Variants in GPN1 observed in about 807,000 individuals in gnomAD.
GPN1 encodes GPN-loop GTPase 1.
GPN1 carries 44 observed loss-of-function variants against 55.9 expected under a neutral mutation model. The observed-to-expected ratio is 0.79, with a 90% CI of 0.62 to 1.01. The LOEUF is 1.01. Among genes scored for constraint, GPN1 ranks in the 50% least tolerant of loss-of-function variants. GPN1 has a pLI of 0.00. For missense variants in GPN1, 466 were observed against 462.8 expected (o/e 1.01, Z -0.06); for synonymous variants, 179 against 162.5 (o/e 1.10, Z -0.77).
upstream of GPN1, chr2:27,628,697 G>A: frequency 1.3e-6 from 2 of 1,551,686 alleles, no homozygotes; most frequent in Non-Finnish European, 1.7e-6. Context: ...CCCGTTCTCT[G>A]TGGGCTCAAA....
At chr2:27,635,303 T>A in intron 7 of GPN1, 69 bp downstream of exon 7, 1 of 659,316 alleles carries the variant, frequency 1.5e-6, no homozygotes, top group Non-Finnish European at 2.6e-6. Flanking sequence ...TCTTCCTCTT[T>A]TTTTTTTTTT....
At chr2:27,640,458 C>T (rs151235359) in intron 10 of GPN1, among the ~76,000 whole-genome samples, 14 of 152,260 alleles carry the variant, frequency 9.2e-5, no homozygotes, top group African/African-American at 1.4e-4. Flanking sequence ...AGGACAAAAG[C>T]GTCCTCAGAC....
At position 27,631,826 on chromosome 2, in the gene GPN1, G is replaced by T. The variant is rs776763468; in HGVS notation, c.246-8G>T. ...ATAAGCGATTTCAGTCCTCAACTTG[G>T]TGTCTAGATATGGACTTGGACCCAA... On this transcript the variant is annotated splice_polypyrimidine_tract_variant and splice_region_variant and intron_variant, in intron 3 of 13. Transcript: ENST00000610189. 1.3e-6 allele frequency: 2 copies of T among 1,550,566 alleles called. No homozygotes were observed. The highest frequency in any genetic ancestry group is 2.2e-5 in the East Asian group (1 of 44,606).
Position 27,631,879 on chromosome 2 carries a change from C to G in GPN1, c.291C>G (p.Leu97=), listed in dbSNP as rs767168243. The change falls in exon 4 of 14, where the codon CTC becomes CTG. Residue 97 remains leucine, a synonymous_variant. Transcript: ENST00000610189. ...GCGGCATAGTGACCTCACTCAATCT[C>G]TTTGCTACCAGATTTGATCAGGTAT... is the stretch of plus-strand genomic sequence containing the variant. ...PNGGIVTSLN[L]FATRFDQVMK... is the part of the protein sequence containing the mutation. The G allele has an allele frequency of 3.1e-6, 5 of 1,595,924 alleles. No homozygotes were observed. The African/African-American group carries it at 5.4e-5, about 17-fold the overall frequency.
Position 27,634,836 on chromosome 2 carries a change from C to T in GPN1, c.351-10C>T, listed in dbSNP as rs1247796332. ...ATGTAACACTTCTTTAATGATCTTT[C>T]TTGACATAGATATGTGTTGATTGAC... On this transcript the variant is annotated splice_polypyrimidine_tract_variant and intron_variant, in intron 5 of 13. Coordinates refer to ENST00000610189, the MANE Select transcript of GPN1 (RefSeq NM_007266.4). 1.6e-5 allele frequency: 24 copies of T among 1,459,484 alleles called. No individual in the cohort carries two copies. The highest frequency in any genetic ancestry group is 6.7e-5 in the Admixed American group (4 of 59,810). The allele number at this position is 1,459,484 out of a possible 1,614,324, so 90.4% of individuals were successfully genotyped here.
In GPN1 at chr2:27,648,209, A is replaced by T. The variant is rs530976035; in HGVS notation, c.1039+266A>T. Among the ~76,000 whole-genome samples the T allele has an allele frequency of 4.6e-5, 7 of 152,108 alleles. No individual in the cohort carries two copies. In the South Asian group the frequency reaches 6.2e-4, roughly 14 times the overall value. On this transcript the variant is annotated intron_variant, in intron 13 of 13. Transcript: ENST00000610189. ...GGATCCAGGACTTTTGTTTGTTGTTATTAGTATTTTGTTTTAAGAATATGT... is the reference window on the plus strand; with the variant it reads ...GGATCCAGGACTTTTGTTTGTTGTTTTTAGTATTTTGTTTTAAGAATATGT...
rs1166071474 is a variant in GPN1, at chr2:27,643,136, G to GT, written c.931+625dup. Among the ~76,000 whole-genome samples the GT allele has an allele frequency of 6.1e-5, 9 of 148,690 alleles. No homozygotes were observed. In the South Asian group the frequency reaches 6.3e-4, roughly 10 times the overall value. On this transcript the variant is annotated intron_variant, in intron 12 of 13. Transcript: ENST00000610189. The surrounding 1 kb of genome is among the most constrained non-coding windows in gnomAD (Gnocchi z 4.0). Reference sequence around the variant, plus strand: ...AATATACTTGATGTGTGCTGTGGTGGTTTTTTTTGTTTGTTTCTAACACTT... The same window carrying GT: ...AATATACTTGATGTGTGCTGTGGTGGTTTTTTTTTGTTTGTTTCTAACACTT...
intron 12 of GPN1, among the ~76,000 whole-genome samples, chr2:27,644,061 T>A (rs1036133948): frequency 6.6e-6 from 1 of 152,148 alleles, no homozygotes; most frequent in Non-Finnish European, 1.5e-5. Context: ...ATGTCTGTAA[T>A]TCCAGCTACT....
intron 10 of GPN1, among the ~76,000 whole-genome samples, chr2:27,640,887 T>C (rs956890199): frequency 1.3e-5 from 2 of 152,234 alleles, no homozygotes; most frequent in African/African-American, 4.8e-5. Flanking sequence ...GTTGTTCAAG[T>C]AAAGCACATA....
In GPN1 at chr2:27,643,723, G is replaced by A. The variant is rs765060142; in HGVS notation, c.931+1204G>A. 6.6e-6 allele frequency among the ~76,000 whole-genome samples: 1 copy of A among 152,090 alleles called. No individual in the cohort carries two copies. Among genetic ancestry groups the A allele is most frequent in the Non-Finnish European group, 1.5e-5 (1 of 68,026 alleles). On this transcript the variant is annotated intron_variant, in intron 12 of 13. Coordinates refer to ENST00000610189, the MANE Select transcript of GPN1 (RefSeq NM_007266.4). This position sits in a 1 kb window ranked among gnomAD's most constrained non-coding sequence, Gnocchi z 4.0. ...ATAGAGCATCCTTCAGTTTAGGTTT[G>A]TCTCATGTTTCCTCATGATTTGATT...
chr2:27,628,547 G>C (rs1302172414), upstream of GPN1: 10 of 1,551,342 alleles, frequency 6.4e-6, no homozygotes, highest in African/African-American at 4.1e-5. Flanking sequence ...TTATTCGTTC[G>C]GTGCTCAAAG....
In GPN1 at chr2:27,651,241, A is replaced by G. The variant is rs1674530916; in HGVS notation, c.*1041A>G. The stretch of plus-strand genomic sequence containing the variant: ...CTTAGTGGTTCTCACATTGTGGACC[A>G]GGAGCATCAGCATCATCTGGGGAAT... On this transcript the variant is annotated 3_prime_UTR_variant, in exon 14 of 14. Transcript: ENST00000610189. 1 of 152,306 alleles carries G rather than the reference A, an allele frequency of 6.6e-6. No individual in the cohort carries two copies. The highest frequency in any genetic ancestry group is 2.4e-5 in the African/African-American group (1 of 41,470). The allele number at this position is 152,306 out of a possible 1,614,324, so 9.4% of individuals were successfully genotyped here. A position where few individuals can be genotyped will look rare whatever the true frequency, so the allele number is the denominator to read the frequency against.
rs573961645 is a variant in GPN1 at position 27,642,968 on chromosome 2, C to T, written c.931+449C>T. Among the ~76,000 whole-genome samples, 886 of 150,492 alleles carry T rather than the reference C, an allele frequency of 5.9e-3. 4 individuals carry two copies. The highest frequency in any genetic ancestry group is 7.0e-3 in the Admixed American group (105 of 15,066). ...TTATATATATATATATACACACACA[C>T]ACACACACACACACACACACACACA... On this transcript the variant is annotated intron_variant, in intron 12 of 13. Transcript: ENST00000610189.
chr2:27,640,244 C>T, intron 10 of GPN1, 119 bp downstream of exon 10: 1 of 759,942 alleles, frequency 1.3e-6, no homozygotes, highest in South Asian at 1.6e-5. Flanking sequence ...ATTTGGTTTG[C>T]ATATGTGTAT....
At position 27,629,908 on chromosome 2, in the gene GPN1, A is replaced by G. The variant is rs1272325668; in HGVS notation, c.161A>G (p.Asn54Ser). 2.5e-6 allele frequency: 4 copies of G among 1,610,256 alleles called. No homozygotes were observed. The highest frequency in any genetic ancestry group is 1.7e-6 in the Non-Finnish European group (2 of 1,176,440). The change falls in exon 2 of 14, where the codon AAC becomes AGC. Residue 54 changes from asparagine (N) to serine (S), a missense_variant. Asn to Ser is a conservative substitution (Grantham distance 46, BLOSUM62 1). Transcript: ENST00000610189. ...HAQGTPPYVI[N>S]LDPAVHEVPF... ...CAAGGCACTCCACCGTATGTGATCA[A>G]CCTGGATCCAGCAGTACATGAAGTT...
chr2:27,635,060 T>A, intron 6 of GPN1, 80 bp from the exon 7 acceptor site: 2 of 1,032,946 alleles, frequency 1.9e-6, no homozygotes, highest in Admixed American at 1.7e-5. Flanking sequence ...TGGTTTTCCC[T>A]TGTTAAGGAT....
intron 12 of GPN1, among the ~76,000 whole-genome samples, chr2:27,646,740 A>AT (rs955537738): frequency 9.4e-5 from 14 of 148,524 alleles, no homozygotes; most frequent in South Asian, 2.1e-4. Context: ...CAACACTAGC[A>AT]TTTTTTTTTT....
Position 27,643,175 on chromosome 2 carries a change from A to AT in GPN1, c.931+664dup, listed in dbSNP as rs1339545515. Among the ~76,000 whole-genome samples, 1 of 149,722 alleles carries AT rather than the reference A, an allele frequency of 6.7e-6. No homozygotes were observed. The highest frequency in any genetic ancestry group is 1.5e-5 in the Non-Finnish European group (1 of 67,430). ...TTTCTAACACTTTTAACCCTCCTCA[A>AT]TTTTTTTTATAATTAAAAAAAATTT... is the stretch of plus-strand genomic sequence containing the variant. On this transcript the variant is annotated intron_variant, in intron 12 of 13. Transcript: ENST00000610189. This position sits in a 1 kb window ranked among gnomAD's most constrained non-coding sequence, Gnocchi z 4.0.
intron 13 of GPN1, 152 bp downstream of exon 13, chr2:27,648,095 C>T (rs1328931684): frequency 1.6e-6 from 1 of 617,924 alleles, no homozygotes; most frequent in East Asian, 2.8e-5. Context: ...GAGTTCCTGT[C>T]CTGCCTACTG....
Sources: allele counts gnomAD v4.1 joint callset (sites outside exome capture counted in the v4.1 genomes callset), GRCh38; gene constraint gnomAD v4.1.1; non-coding constraint Gnocchi (gnomAD v3.1); transcripts MANE v1.5; gene names NCBI Gene and HGNC (gene_info 2026-07-23, HGNC 2026-07-21).